The following LAMA4 variants were observed in gnomAD, a reference collection of about 807,000 sequenced individuals.
LAMA4 encodes laminin subunit alpha-4.
A neutral mutation model predicts 207.1 loss-of-function variants in LAMA4; 127 were observed. The observed-to-expected ratio is 0.61, with a 90% confidence interval of 0.53 to 0.71. The LOEUF is 0.71. LAMA4 is among the 30% of genes least tolerant of loss of function. The pLI is 0.00. For synonymous variants in LAMA4, 761 were observed against 816.0 expected (o/e 0.93, Z 1.15); for missense variants, 2,093 against 2,246.5 (o/e 0.93, Z 1.38).
intron 9 of LAMA4, among the ~76,000 whole-genome samples, chr6:112,180,863 C>T (rs1265973129): frequency 6.6e-6 from 1 of 152,214 alleles, no homozygotes; most frequent in Non-Finnish European, 1.5e-5. Context: ...GTAATATCTA[C>T]TTCTGCCTAC....
At position 112,197,514 on chromosome 6, in the gene LAMA4, A is replaced by G. The variant is rs190302398; in HGVS notation, c.503+4094T>C. ...GTGTTAGCTTAAATTATCTTTAAAT[A>G]TTTCAAACATGAAGCTAGGTAGAAA... On this transcript the variant is annotated intron_variant, in intron 5 of 38. Coordinates refer to ENST00000230538, the MANE Select transcript of LAMA4 (RefSeq NM_001105206.3). 3.1e-3 allele frequency among the ~76,000 whole-genome samples: 466 copies of G among 152,346 alleles called. 2 individuals are homozygous for G. The highest frequency in any genetic ancestry group is 0.011 in the African/African-American group (452 of 41,576).
chr6:112,131,631 C>T (rs1779038902), intron 28 of LAMA4, among the ~76,000 whole-genome samples: 1 of 152,090 alleles, frequency 6.6e-6, no homozygotes, highest in Non-Finnish European at 1.5e-5. Flanking sequence ...CTTATATGGG[C>T]ACCAACTTCT....
intron 3 of LAMA4, among the ~76,000 whole-genome samples, 180 bp from the exon 4 acceptor site, chr6:112,207,325 TG>T (rs1784115296): frequency 6.6e-6 from 1 of 152,044 alleles, no homozygotes; most frequent in Non-Finnish European, 1.5e-5. Flanking sequence ...TGCCAGAAAG[TG>T]TGGGTAAGTG....
chr6:112,180,977 T>C lies in LAMA4; in HGVS notation c.1078-2745A>G, dbSNP rs1039622890. ...CTCTGTGCCATCACAGATATTTCAC[T>C]TTTAAAATGTCCAGAGTAATCCATT... On this transcript the variant is annotated intron_variant, in intron 9 of 38. Coordinates refer to ENST00000230538, the MANE Select transcript of LAMA4 (RefSeq NM_001105206.3). Among the ~76,000 whole-genome samples, 32 of 152,226 alleles carry C rather than the reference T, an allele frequency of 2.1e-4. 1 individual carries two copies. The highest frequency in any genetic ancestry group is 1.3e-4 in the Admixed American group (2 of 15,290).
chr6:112,130,300 T>TTTTG (rs1554329303), intron 29 of LAMA4: 54 of 382,224 alleles, frequency 1.4e-4, no homozygotes, highest in Middle Eastern at 1.6e-3. Context: ...AGCATTATTT[T>TTTTG]TGTGTGTGTG....
chr6:112,131,874 A>G (rs1198561142), intron 28 of LAMA4, among the ~76,000 whole-genome samples: 5 of 152,182 alleles, frequency 3.3e-5, no homozygotes, highest in Non-Finnish European at 5.9e-5. Context: ...ATCAGTGTAT[A>G]TATTGATGAT....
chr6:112,232,532 T>A (rs868973903), intron 2 of LAMA4, among the ~76,000 whole-genome samples: 11 of 152,362 alleles, frequency 7.2e-5, no homozygotes, highest in Middle Eastern at 3.4e-3. Flanking sequence ...ATAAATAGCA[T>A]AATGTGTACA....
chr6:112,189,202 C>G lies in LAMA4; in HGVS notation c.722G>C (p.Cys241Ser), dbSNP rs782417209. The part of the protein sequence containing the change: ...DARIAKNCAV[C>S]NCGGGPCDSV... Reference sequence around the variant, plus strand: ...GTCACATGGGCCTCCCCCGCAGTTGCACACTGTGGGAAACAAAAACAAGAG... The same window carrying G: ...GTCACATGGGCCTCCCCCGCAGTTGGACACTGTGGGAAACAAAAACAAGAG... Residue 241 changes from cysteine (C) to serine (S), a missense_variant, in exon 7 of 39, where the codon TGC becomes TCC. Physicochemically the swap from Cys to Ser is moderately radical, Grantham distance 112. Coordinates refer to ENST00000230538, the MANE Select transcript of LAMA4 (RefSeq NM_001105206.3). 2 of 1,612,342 alleles carry G rather than the reference C, an allele frequency of 1.2e-6. No homozygotes were observed. Among genetic ancestry groups the G allele is most frequent in the Non-Finnish European group, 1.7e-6 (2 of 1,178,450 alleles).
chr6:112,177,386 T>C (rs1554344153), intron 10 of LAMA4, among the ~76,000 whole-genome samples: 1 of 151,962 alleles, frequency 6.6e-6, no homozygotes, highest in East Asian at 1.9e-4. Flanking sequence ...ATATATAGTA[T>C]AATAAAAACT....
intron 36 of LAMA4, among the ~76,000 whole-genome samples, chr6:112,115,209 C>G (rs1777944596): frequency 6.6e-6 from 1 of 152,024 alleles, no homozygotes; most frequent in African/African-American, 2.4e-5. Context: ...CTAGGTAAAG[C>G]TTAGAATAGT....
At position 112,185,996 on chromosome 6, in the gene LAMA4, G is replaced by A. The variant is rs557643682; in HGVS notation, c.967-649C>T. On this transcript the variant is annotated intron_variant, in intron 8 of 38. Coordinates refer to ENST00000230538, the MANE Select transcript of LAMA4 (RefSeq NM_001105206.3). ...CTCCCCTGGGGGGTAGTGTCTTCAT[G>A]TGTTCCAACAGGTAATTTTGGACAA... Among the ~76,000 whole-genome samples, 7 of 152,322 alleles carry A rather than the reference G, an allele frequency of 4.6e-5. No individual in the cohort carries two copies. In the East Asian group the frequency reaches 1.3e-3, roughly 29 times the overall value.
At chr6:112,231,195 C>T (rs1427394915) in intron 2 of LAMA4, among the ~76,000 whole-genome samples, 1 of 152,142 alleles carries the variant, frequency 6.6e-6, no homozygotes, top group African/African-American at 2.4e-5. Context: ...TAGTATGTCT[C>T]CCTTTTTTCT....
rs1780666786 is a variant in LAMA4, at chr6:112,155,661, C to T, written c.1863G>A (p.Leu621=). 13 of 1,614,044 alleles carry T rather than the reference C, an allele frequency of 8.1e-6. No homozygotes were observed. Among genetic ancestry groups the T allele is most frequent in the Non-Finnish European group, 1.0e-5 (12 of 1,179,904 alleles). The part of the protein sequence containing the change: ...SDMNGLVQKA[L]DASNVYENIV... ...TATTTTCATAGACATTTGATGCATC[C>T]AAAGCCTTCTGTACCAGCCCGTTCA... Residue 621 remains leucine, a synonymous_variant, in exon 15 of 39, where the codon TTG becomes TTA. Coordinates refer to ENST00000230538, the MANE Select transcript of LAMA4 (RefSeq NM_001105206.3).
In LAMA4 at chr6:112,207,150, G is replaced by A; in HGVS notation, c.298-5C>T. 6.2e-7 allele frequency: 1 copy of A among 1,613,814 alleles called. No homozygotes were observed. The highest frequency in any genetic ancestry group is 2.2e-5 in the East Asian group (1 of 44,856). ...TGTTGTGTTCCGCTGGCAGTGCTAT[G>A]AGACAAAAGACAAGAAGATTGACAA... On this transcript the variant is annotated splice_polypyrimidine_tract_variant and splice_region_variant and intron_variant, in intron 3 of 38. Coordinates refer to ENST00000230538, the MANE Select transcript of LAMA4 (RefSeq NM_001105206.3).
chr6:112,169,398 A>C (rs1375992660), intron 12 of LAMA4, among the ~76,000 whole-genome samples: 4 of 152,240 alleles, frequency 2.6e-5, no homozygotes, highest in Non-Finnish European at 5.9e-5. Context: ...GGTAATAGCA[A>C]GGCTAATCCA....
At chr6:112,181,981 C>T (rs1346484902) in intron 9 of LAMA4, among the ~76,000 whole-genome samples, 1 of 152,060 alleles carries the variant, frequency 6.6e-6, no homozygotes, top group Non-Finnish European at 1.5e-5. Context: ...CCTGTAATCC[C>T]AGCTACTCAG....
At chr6:112,177,708 A>C (rs1277497118) in intron 10 of LAMA4, among the ~76,000 whole-genome samples, 4 of 152,220 alleles carry the variant, frequency 2.6e-5, no homozygotes, top group Non-Finnish European at 5.9e-5. Flanking sequence ...AGCCCATCAT[A>C]GAAAGAGCTT....
Position 112,254,277 on chromosome 6 carries a change from C to G in LAMA4, c.-127G>C. On this transcript the variant is annotated 5_prime_UTR_variant, in exon 2 of 39. Transcript: ENST00000230538. The stretch of plus-strand genomic sequence containing the variant: ...CTCCGTGTGCAGTATCCCGAGGTGG[C>G]TGCGCAACCAGCAGCTTAGGAAATA... 8.6e-7 allele frequency: 1 copy of G among 1,168,954 alleles called. No homozygotes were observed. The highest frequency in any genetic ancestry group is 1.3e-6 in the Non-Finnish European group (1 of 797,936). The allele number at this position is 1,168,954 out of a possible 1,614,324, so 72.4% of individuals were successfully genotyped here. A position where few individuals can be genotyped will look rare whatever the true frequency, so the allele number is the denominator to read the frequency against.
intron 13 of LAMA4, among the ~76,000 whole-genome samples, chr6:112,160,775 C>A (rs1781008630): frequency 6.6e-6 from 1 of 152,222 alleles, no homozygotes; most frequent in Admixed American, 6.5e-5. Flanking sequence ...TTCCTCTCCC[C>A]TGAGTGATCT....
Sources: allele counts gnomAD v4.1 joint callset (sites outside exome capture counted in the v4.1 genomes callset), GRCh38; gene constraint gnomAD v4.1.1; transcripts MANE v1.5; gene names NCBI Gene and HGNC (gene_info 2026-07-23, HGNC 2026-07-21).